Variants in HTR1F observed in about 807,000 individuals in gnomAD.
The protein encoded by HTR1F is 5-hydroxytryptamine receptor 1F, also known as 5-hydroxytryptamine (serotonin) receptor 1F, G protein-coupled.
HTR1F carries 17 observed loss-of-function variants against 24.0 expected under a neutral mutation model. That is an observed-to-expected ratio of 0.71 (90% CI 0.48 to 1.06). HTR1F has a LOEUF of 1.06. HTR1F is among the 50% of genes least tolerant of loss of function. HTR1F has a pLI of 0.00. For synonymous variants in HTR1F, 186 were observed against 156.8 expected, an observed-to-expected ratio of 1.19 and a Z score of -1.39; for missense variants, 391 against 427.8, an observed-to-expected ratio of 0.91 and a Z score of 0.76.
rs189707708 is a variant in HTR1F at position 87,803,444 on chromosome 3, G to T, written c.-160+10602G>T. ...CATTGCTATCCTCAGGATCTAAGGG[G>T]GGAAAATCTATCCAGATTGATGCAC... On this transcript the variant is annotated intron_variant, in intron 1 of 2. Transcript: ENST00000319595. Among the ~76,000 whole-genome samples, 15 of 152,078 alleles carry T rather than the reference G, an allele frequency of 9.9e-5. No individual in the cohort carries two copies. In the East Asian group the frequency reaches 2.7e-3, roughly 28 times the overall value.
At chr3:87,879,344 T>C (rs985458558) in intron 2 of HTR1F, among the ~76,000 whole-genome samples, 1 of 152,200 alleles carries the variant, frequency 6.6e-6, no homozygotes, top group African/African-American at 2.4e-5. Flanking sequence ...ACAATATAAG[T>C]CTTAGTACTG....
chr3:87,879,171 C>T (rs1178510321), intron 2 of HTR1F, among the ~76,000 whole-genome samples: 4 of 152,204 alleles, frequency 2.6e-5, no homozygotes, highest in African/African-American at 9.6e-5. Flanking sequence ...AAAGAGGTAA[C>T]ATAATCTCCA....
chr3:87,991,890 G>T lies in HTR1F; in HGVS notation c.*40G>T. Reference sequence around the variant, plus strand: ...ATTATTGAAGGATGGGGGTTTTTGAGGGGAGGAATAACTAGATGAATGCCA... The same window carrying T: ...ATTATTGAAGGATGGGGGTTTTTGATGGGAGGAATAACTAGATGAATGCCA... On this transcript the variant is annotated 3_prime_UTR_variant, in exon 3 of 3. Coordinates refer to ENST00000319595, the MANE Select transcript of HTR1F (RefSeq NM_001322209.2). 1 of 1,502,506 alleles carries T rather than the reference G, an allele frequency of 6.7e-7. No individual in the cohort carries two copies. The highest frequency in any genetic ancestry group is 2.3e-5 in the Admixed American group (1 of 43,730). The allele number at this position is 1,502,506 out of a possible 1,614,324, so 93.1% of individuals were successfully genotyped here.
At chr3:87,867,246 CT>C (rs1705449685) in intron 2 of HTR1F, among the ~76,000 whole-genome samples, 1 of 151,772 alleles carries the variant, frequency 6.6e-6, no homozygotes. Context: ...CATTTTCACC[CT>C]TGATAAGAAT....
intron 2 of HTR1F, among the ~76,000 whole-genome samples, chr3:87,935,135 TG>T (rs958512928): frequency 2.0e-5 from 3 of 152,220 alleles, no homozygotes; most frequent in Non-Finnish European, 4.4e-5. Flanking sequence ...CCCAAAGTGC[TG>T]GGATTACAGG....
intron 1 of HTR1F, among the ~76,000 whole-genome samples, chr3:87,801,786 G>T (rs1204958637): frequency 6.6e-6 from 1 of 152,106 alleles, no homozygotes; most frequent in East Asian, 1.9e-4. Flanking sequence ...GGAGGCCTAA[G>T]ATATTTTCCT....
rs770538294 is a variant in HTR1F at position 87,916,309 on chromosome 3, G to GC, written c.-42-74399_-42-74398insC. Among the ~76,000 whole-genome samples the GC allele has an allele frequency of 1.7e-4, 19 of 111,062 alleles. No individual in the cohort carries two copies. In the South Asian group the frequency reaches 5.2e-3, roughly 30 times the overall value. The allele number at this position is 111,062 out of a possible 152,430, so 72.9% of individuals were successfully genotyped here. A position where few individuals can be genotyped will look rare whatever the true frequency, so the allele number is the denominator to read the frequency against. On this transcript the variant is annotated intron_variant, in intron 2 of 2. Coordinates refer to ENST00000319595, the MANE Select transcript of HTR1F (RefSeq NM_001322209.2). ...AAAAATACAGTTAAAAAGCAAAAAA[G>GC]AAAAAAAAAAAAAAAAAAACAAGGT...
At chr3:87,910,613 C>A (rs1387768254) in intron 2 of HTR1F, among the ~76,000 whole-genome samples, 1 of 151,942 alleles carries the variant, frequency 6.6e-6, no homozygotes, top group Non-Finnish European at 1.5e-5. Context: ...AACATTGGAC[C>A]AAATGGATCT....
intron 2 of HTR1F, among the ~76,000 whole-genome samples, chr3:87,873,814 C>T (rs1052645152): frequency 6.6e-6 from 1 of 151,820 alleles, no homozygotes. Context: ...AAAAGGCAAG[C>T]ATGGCTCAAC....
intron 2 of HTR1F, among the ~76,000 whole-genome samples, chr3:87,934,186 T>C (rs1336714448): frequency 6.6e-6 from 1 of 152,140 alleles, no homozygotes; most frequent in African/African-American, 2.4e-5. Context: ...AAGAAAACAC[T>C]AGTGAAGTAA....
At chr3:87,877,884 C>G (rs1486778304) in intron 2 of HTR1F, among the ~76,000 whole-genome samples, 1 of 152,124 alleles carries the variant, frequency 6.6e-6, no homozygotes, top group Non-Finnish European at 1.5e-5. Context: ...CCTTCCTGTC[C>G]ACTTCTAAAT....
chr3:87,810,776 A>G (rs1459180302), intron 1 of HTR1F, among the ~76,000 whole-genome samples: 1 of 152,204 alleles, frequency 6.6e-6, no homozygotes, highest in Non-Finnish European at 1.5e-5. Context: ...GAGGAACTAC[A>G]TGCAATCTTG....
chr3:87,860,670 G>A (rs935289281), intron 2 of HTR1F, among the ~76,000 whole-genome samples: 3 of 152,098 alleles, frequency 2.0e-5, no homozygotes, highest in Non-Finnish European at 4.4e-5. Flanking sequence ...TTGAGGCTTA[G>A]AATCAGAAAA....
At chr3:87,969,708 T>A (rs1272139385) in intron 2 of HTR1F, among the ~76,000 whole-genome samples, 1 of 152,176 alleles carries the variant, frequency 6.6e-6, no homozygotes, top group East Asian at 1.9e-4. Flanking sequence ...TCAGGGGAAC[T>A]GTTGAGAAGG....
intron 2 of HTR1F, among the ~76,000 whole-genome samples, chr3:87,857,008 C>T (rs547548763): frequency 6.6e-6 from 1 of 152,086 alleles, no homozygotes; most frequent in Admixed American, 6.6e-5. Context: ...CTGTTATTTC[C>T]CCAGACTTAT....
intron 2 of HTR1F, among the ~76,000 whole-genome samples, chr3:87,835,783 T>C (rs1239508056): frequency 3.9e-5 from 6 of 152,230 alleles, no homozygotes; most frequent in African/African-American, 1.4e-4. Context: ...TACAGATAAC[T>C]TGAGCCATTA....
intron 2 of HTR1F, among the ~76,000 whole-genome samples, chr3:87,870,644 G>C (rs1026690679): frequency 2.6e-5 from 4 of 151,976 alleles, no homozygotes; most frequent in Non-Finnish European, 5.9e-5. Context: ...ATTGGTTTCT[G>C]TCTCACCTGA....
chr3:87,795,509 G>A (rs1314622527), intron 1 of HTR1F, among the ~76,000 whole-genome samples: 1 of 152,100 alleles, frequency 6.6e-6, no homozygotes, highest in African/African-American at 2.4e-5. Flanking sequence ...ATGAAAGGTG[G>A]ACGGGATGCT....
At chr3:87,987,129 T>G (rs201589236) in intron 2 of HTR1F, among the ~76,000 whole-genome samples, 1 of 25,204 alleles carries the variant, frequency 4.0e-5, no homozygotes, top group African/African-American at 1.1e-4. Context: ...AAAAATAAAA[T>G]AAAATAAAAT....
Sources: gnomAD v4.1 joint callset for allele counts (sites outside exome capture counted in the v4.1 genomes callset) on GRCh38, gnomAD v4.1.1 for gene constraint, MANE v1.5 for transcripts, NCBI Gene and HGNC (gene_info 2026-07-23, HGNC 2026-07-21) for gene names.